PLXNA4: variants seen among roughly 807,000 people sequenced by gnomAD.
PLXNA4 encodes the protein plexin A4.
A neutral mutation model predicts 191.8 loss-of-function variants in PLXNA4; 44 were observed. That is an observed-to-expected ratio of 0.23 (90% CI 0.18 to 0.29). The LOEUF (loss-of-function observed/expected upper bound fraction) is 0.29. Ranked by LOEUF, PLXNA4 falls within the 10% of genes least tolerant of loss-of-function variation. The pLI is 1.00. For missense variants in PLXNA4, 1,800 were observed against 2,488.8 expected (o/e 0.72, Z 5.89); for synonymous variants, 1,082 against 1,009.5 (o/e 1.07, Z -1.36).
chr7:132,491,423 T>G (rs1797794267), intron 2 of PLXNA4, among the ~76,000 whole-genome samples: 1 of 152,044 alleles, frequency 6.6e-6, no homozygotes, highest in Non-Finnish European at 1.5e-5. Flanking sequence ...CCAGAGAAGG[T>G]GACCTGCTCA....
At chr7:132,486,278 A>G (rs954935871) in intron 3 of PLXNA4, among the ~76,000 whole-genome samples, 2 of 152,198 alleles carry the variant, frequency 1.3e-5, no homozygotes, top group African/African-American at 4.8e-5. Flanking sequence ...CCAAAAGGTG[A>G]CTGTGGTCCT....
At chr7:132,563,145 TTCC>T (rs1444085875) in intron 1 of PLXNA4, among the ~76,000 whole-genome samples, 1 of 20,304 alleles carries the variant, frequency 4.9e-5, no homozygotes, top group African/African-American at 2.0e-4. Context: ...CCTTCTCCTC[TTCC>T]TCCTTCTCCT....
chr7:132,460,872 C>T (rs1796479556), intron 3 of PLXNA4, among the ~76,000 whole-genome samples: 1 of 152,042 alleles, frequency 6.6e-6, no homozygotes. Flanking sequence ...GGTACCTCTG[C>T]ACACAGCCTC....
At chr7:132,394,185 GC>G (rs1245297658) in intron 3 of PLXNA4, among the ~76,000 whole-genome samples, 5 of 152,172 alleles carry the variant, frequency 3.3e-5, no homozygotes, top group South Asian at 4.1e-4. Context: ...CAGCCCCTGG[GC>G]CGGGATGGAG....
intron 3 of PLXNA4, among the ~76,000 whole-genome samples, chr7:132,488,271 T>A (rs1797642120): frequency 6.6e-6 from 1 of 152,220 alleles, no homozygotes; most frequent in Non-Finnish European, 1.5e-5. Flanking sequence ...GGCTGTTACA[T>A]TGTTGGATGG....
At chr7:132,603,859 T>C (rs1802866644) in intron 2 of PLXNA4, among the ~76,000 whole-genome samples, 1 of 74,764 alleles carries the variant, frequency 1.3e-5, no homozygotes, top group African/African-American at 3.0e-5. Context: ...AATTCTGGCC[T>C]TGAGCAAATC....
At chr7:132,291,308 C>T (rs1800883309) in intron 4 of PLXNA4, among the ~76,000 whole-genome samples, 1 of 152,202 alleles carries the variant, frequency 6.6e-6, no homozygotes, top group Non-Finnish European at 1.5e-5. Flanking sequence ...TTTAAAAGAG[C>T]ACTCCCCTCC....
At chr7:132,464,671 A>G (rs1414644724) in intron 3 of PLXNA4, among the ~76,000 whole-genome samples, 1 of 152,254 alleles carries the variant, frequency 6.6e-6, no homozygotes, top group Non-Finnish European at 1.5e-5. Flanking sequence ...AAGAATCTGT[A>G]GTAGTGATGC....
chr7:132,456,843 T>C (rs551748744), intron 3 of PLXNA4, among the ~76,000 whole-genome samples: 150 of 152,248 alleles, frequency 9.9e-4, no homozygotes, highest in Middle Eastern at 6.8e-3. Flanking sequence ...GGTTCCTACA[T>C]CCCCATAGAG....
intron 2 of PLXNA4, among the ~76,000 whole-genome samples, chr7:132,635,662 C>T (rs1368578088): frequency 6.6e-6 from 1 of 152,152 alleles, no homozygotes; most frequent in Non-Finnish European, 1.5e-5. Flanking sequence ...CTGCACCTTG[C>T]CCCATGCCTC....
At chr7:132,173,520 T>G (rs1796356484) in intron 21 of PLXNA4, among the ~76,000 whole-genome samples, 1 of 152,162 alleles carries the variant, frequency 6.6e-6, no homozygotes. Context: ...CTCCTCCAGA[T>G]AGAAAAGCCC....
At chr7:132,528,328 A>C (rs1181970400) in intron 1 of PLXNA4, among the ~76,000 whole-genome samples, 1 of 152,158 alleles carries the variant, frequency 6.6e-6, no homozygotes, top group Non-Finnish European at 1.5e-5. Flanking sequence ...GTCCCGATCC[A>C]TGCTCCCCCA....
In PLXNA4 at chr7:132,530,568, A is replaced by G. The variant is rs148451354; in HGVS notation, c.-86-21789T>C. On this transcript the variant is annotated intron_variant, in intron 1 of 31. Coordinates refer to ENST00000321063, the MANE Select transcript of PLXNA4 (RefSeq NM_020911.2). ...TTTCACATCCACTAGAATGGCTATA[A>G]TCAAGAAAACAGAAAGTAACAAGTA... 2.8e-4 allele frequency among the ~76,000 whole-genome samples: 42 copies of G among 152,372 alleles called. 2 individuals carry two copies. The East Asian group carries it at 8.1e-3, about 29-fold the overall frequency.
At position 132,182,121 on chromosome 7, in the gene PLXNA4, C is replaced by T. The variant is rs1796728429; in HGVS notation, c.3228G>A (p.Lys1076=). The change falls in exon 17 of 32, where the codon AAG becomes AAA. Residue 1076 remains lysine (K), a synonymous_variant. Transcript: ENST00000321063. ...CATTGATGTGCTCCTTCCCTCCATG[C>T]TTGGCACGGATCTGGGGGTTCTGTA... is the stretch of plus-strand genomic sequence containing the variant. ...DLIQNPQIRA[K]HGGKEHINIC... is the part of the protein sequence containing the mutation. 1 of 1,614,060 alleles carries T rather than the reference C, an allele frequency of 6.2e-7. No individual in the cohort carries two copies. The highest frequency in any genetic ancestry group is 1.7e-5 in the Admixed American group (1 of 60,004).
chr7:132,497,083 C>T (rs1275806577), intron 2 of PLXNA4, among the ~76,000 whole-genome samples: 3 of 151,862 alleles, frequency 2.0e-5, no homozygotes, highest in Non-Finnish European at 4.4e-5. Context: ...CCCTAAATTT[C>T]TTCCCATTAA....
chr7:132,299,561 A>T (rs1801229991), intron 3 of PLXNA4, among the ~76,000 whole-genome samples: 4 of 152,174 alleles, frequency 2.6e-5, no homozygotes, highest in Admixed American at 2.6e-4. Context: ...CCTTTTAAGC[A>T]TTATTTTCAA....
intron 3 of PLXNA4, among the ~76,000 whole-genome samples, chr7:132,311,100 T>C (rs755741764): frequency 6.6e-6 from 1 of 151,922 alleles, no homozygotes. Context: ...ATTTGCTCAG[T>C]TGGGATCTAT....
Position 132,316,772 on chromosome 7 carries a change from C to T in PLXNA4, c.1372-18550G>A, listed in dbSNP as rs188489631. ...TCTTACCATGCTATCTTGGCACCCA[C>T]TTCTTTTTAAATAAGGGACTGGGGT... On this transcript the variant is annotated intron_variant, in intron 3 of 31. Coordinates refer to ENST00000321063, the MANE Select transcript of PLXNA4 (RefSeq NM_020911.2). Among the ~76,000 whole-genome samples, 314 of 152,218 alleles carry T rather than the reference C, an allele frequency of 2.1e-3. 1 individual carries two copies. Among genetic ancestry groups the T allele is most frequent in the Non-Finnish European group, 3.8e-3 (259 of 68,030 alleles).
At chr7:132,250,983 C>T (rs1324850084) in intron 4 of PLXNA4, among the ~76,000 whole-genome samples, 1 of 151,654 alleles carries the variant, frequency 6.6e-6, no homozygotes, top group African/African-American at 2.4e-5. Flanking sequence ...TTTCCCTCCC[C>T]ATCCCCAAGC....
Sources: allele counts gnomAD v4.1 joint callset (sites outside exome capture counted in the v4.1 genomes callset), GRCh38; gene constraint gnomAD v4.1.1; transcripts MANE v1.5; gene names NCBI Gene and HGNC (gene_info 2026-07-23, HGNC 2026-07-21).